FER: variants seen among roughly 807,000 people sequenced by gnomAD.
FER encodes the protein FER tyrosine kinase, also known as tyrosine-protein kinase Fer.
A neutral mutation model predicts 111.0 loss-of-function variants in FER; 63 were observed. The observed-to-expected ratio is 0.57, with a 90% confidence interval of 0.46 to 0.70. The LOEUF (loss-of-function observed/expected upper bound fraction) is 0.70, where lower values mean the gene tolerates loss of function less well. Ranked by LOEUF, FER falls within the 30% of genes least tolerant of loss-of-function variation. The pLI, the probability that FER is intolerant of heterozygous loss-of-function variation, is 0.00. For synonymous variants in FER, 327 were observed against 313.9 expected (o/e 1.04, Z -0.44); for missense variants, 914 against 954.0 (o/e 0.96, Z 0.55).
chr5:109,163,777 T>A (rs1033909560), intron 17 of FER, among the ~76,000 whole-genome samples: 1 of 152,136 alleles, frequency 6.6e-6, no homozygotes, highest in Non-Finnish European at 1.5e-5. Flanking sequence ...AACATTTTTT[T>A]AAAAACATTT....
chr5:108,909,446 A>G, intron 10 of FER, among the ~76,000 whole-genome samples: 1 of 152,226 alleles, frequency 6.6e-6, no homozygotes, highest in East Asian at 1.9e-4. Context: ...CTTTGAGAGT[A>G]GAGGCTAAGT....
intron 10 of FER, among the ~76,000 whole-genome samples, chr5:108,931,165 C>T (rs559977923): frequency 6.6e-6 from 1 of 152,092 alleles, no homozygotes; most frequent in Non-Finnish European, 1.5e-5. Flanking sequence ...TGGTGCTTGG[C>T]TTATAGTTAG....
At chr5:109,068,360 T>G (rs375771770) in intron 16 of FER, among the ~76,000 whole-genome samples, 2 of 152,042 alleles carry the variant, frequency 1.3e-5, no homozygotes, top group African/African-American at 4.8e-5. Context: ...ATTTTTGTGT[T>G]TTTTGTAGAG....
chr5:109,052,823 G>A (rs1234169662), intron 16 of FER, among the ~76,000 whole-genome samples: 1 of 152,164 alleles, frequency 6.6e-6, no homozygotes, highest in Admixed American at 6.5e-5. Flanking sequence ...TTCAAATTCT[G>A]TCTACCACAG....
chr5:108,783,110 TTTG>T (rs1208367365), intron 2 of FER, among the ~76,000 whole-genome samples: 2 of 152,258 alleles, frequency 1.3e-5, no homozygotes, highest in East Asian at 3.9e-4. Flanking sequence ...TGTTGGATCT[TTTG>T]TTGTTGTCCC....
At chr5:108,802,089 G>A (rs554033180) in intron 3 of FER, among the ~76,000 whole-genome samples, 4 of 151,888 alleles carry the variant, frequency 2.6e-5, no homozygotes, top group Admixed American at 6.6e-5. Context: ...TTTGGATTAC[G>A]TGCAATCAAA....
At chr5:109,081,881 A>T (rs1453326620) in intron 16 of FER, among the ~76,000 whole-genome samples, 1 of 151,976 alleles carries the variant, frequency 6.6e-6, no homozygotes, top group South Asian at 2.1e-4. Context: ...CTTTAAAGGT[A>T]CTTGTTTCCT....
At chr5:108,827,610 T>C (rs954595681) in intron 3 of FER, among the ~76,000 whole-genome samples, 1 of 152,138 alleles carries the variant, frequency 6.6e-6, no homozygotes, top group Non-Finnish European at 1.5e-5. Context: ...AATTTGACTT[T>C]ATATTATTTG....
chr5:108,821,572 G>A (rs1333948431), intron 3 of FER, among the ~76,000 whole-genome samples: 1 of 151,884 alleles, frequency 6.6e-6, no homozygotes, highest in Non-Finnish European at 1.5e-5. Context: ...GGTTCATTGA[G>A]CTTCTTTGAT....
chr5:109,186,089 T>C (rs1758835428), intron 18 of FER, 111 bp from the exon 19 acceptor site: 1 of 1,464,370 alleles, frequency 6.8e-7, no homozygotes, highest in Non-Finnish European at 9.5e-7. Flanking sequence ...GCTCCATCAT[T>C]GACCAAACAT....
intron 17 of FER, among the ~76,000 whole-genome samples, chr5:109,142,166 G>A (rs562608037): frequency 8.5e-5 from 13 of 152,154 alleles, no homozygotes; most frequent in Non-Finnish European, 1.8e-4. Flanking sequence ...TACAGAGACT[G>A]CCATAAAAAC....
At chr5:109,094,610 A>G (rs1370888696) in intron 16 of FER, among the ~76,000 whole-genome samples, 4 of 152,150 alleles carry the variant, frequency 2.6e-5, no homozygotes, top group Admixed American at 6.6e-5. Flanking sequence ...TTTGTGGGCC[A>G]TACAGACTCT....
intron 13 of FER, among the ~76,000 whole-genome samples, chr5:108,997,983 C>G (rs1764218125): frequency 6.6e-6 from 1 of 151,906 alleles, no homozygotes; most frequent in Admixed American, 6.6e-5. Context: ...ACACCTTACC[C>G]CATACCAAGC....
chr5:109,029,234 T>TTTC (rs1239891509), intron 13 of FER, among the ~76,000 whole-genome samples: 1 of 149,304 alleles, frequency 6.7e-6, no homozygotes, highest in South Asian at 2.1e-4. Flanking sequence ...TTTTTTTTTT[T>TTTC]TTCTTCTTAC....
intron 13 of FER, among the ~76,000 whole-genome samples, chr5:109,033,198 G>A (rs918068406): frequency 1.3e-5 from 2 of 152,142 alleles, no homozygotes; most frequent in African/African-American, 4.8e-5. Context: ...AAGAGACTAA[G>A]AGGCAGTCTG....
At chr5:109,071,742 C>A (rs550416507) in intron 16 of FER, among the ~76,000 whole-genome samples, 44 of 151,708 alleles carry the variant, frequency 2.9e-4, no homozygotes, top group South Asian at 2.7e-3. Context: ...ATTGGTAGTG[C>A]AAAATAATTT....
At chr5:108,848,839 A>G (rs1762276487) in intron 5 of FER, among the ~76,000 whole-genome samples, 1 of 151,988 alleles carries the variant, frequency 6.6e-6, no homozygotes, top group African/African-American at 2.4e-5. Context: ...TACTTTTAAC[A>G]TTTCTTGTAA....
intron 17 of FER, among the ~76,000 whole-genome samples, chr5:109,101,318 G>A (rs1211882581): frequency 1.3e-5 from 2 of 151,950 alleles, no homozygotes; most frequent in Non-Finnish European, 2.9e-5. Context: ...AAGGTTCATT[G>A]CTAGAGTGAG....
chr5:109,112,654 T>C (rs186788012), intron 17 of FER, among the ~76,000 whole-genome samples: 1 of 152,316 alleles, frequency 6.6e-6, no homozygotes, highest in Admixed American at 6.5e-5. Context: ...AAGAAAGTTT[T>C]AGCTGGTGTG....
Sources: gnomAD v4.1 joint callset for allele counts (sites outside exome capture counted in the v4.1 genomes callset) on GRCh38, gnomAD v4.1.1 for gene constraint, MANE v1.5 for transcripts, NCBI Gene and HGNC (gene_info 2026-07-23, HGNC 2026-07-21) for gene names.